PPP2R2C: variants seen among roughly 807,000 people sequenced by gnomAD.
The protein encoded by PPP2R2C is protein phosphatase 2, regulatory subunit B, gamma.
A neutral mutation model predicts 45.3 loss-of-function variants in PPP2R2C; 10 were observed. That is an observed-to-expected ratio of 0.22 (90% CI 0.14 to 0.37). The LOEUF (loss-of-function observed/expected upper bound fraction) is 0.37. Among genes scored for constraint, PPP2R2C ranks in the 10% least tolerant of loss-of-function variants. The pLI is 1.00. For missense variants in PPP2R2C, 308 were observed against 619.7 expected (o/e 0.50, Z 5.34); for synonymous variants, 257 against 245.4 (o/e 1.05, Z -0.44).
At chr4:6,449,528 G>A (rs1038671124) in intron 1 of PPP2R2C, among the ~76,000 whole-genome samples, 7 of 152,170 alleles carry the variant, frequency 4.6e-5, no homozygotes, top group African/African-American at 1.2e-4. Flanking sequence ...GCGGACCCCC[G>A]CCGCCGCCTG....
In PPP2R2C at chr4:6,363,106, T is replaced by A. The variant is rs148139667; in HGVS notation, c.625+9417A>T. Among the ~76,000 whole-genome samples the A allele has an allele frequency of 8.3e-3, 1,261 of 152,026 alleles. 16 individuals carry two copies. Among genetic ancestry groups the A allele is most frequent in the African/African-American group, 0.028 (1,161 of 41,460 alleles). On this transcript the variant is annotated intron_variant, in intron 5 of 8. Coordinates refer to ENST00000382599, the MANE Select transcript of PPP2R2C (RefSeq NM_020416.4). ...CTCGACGCAATGGCTCACAACGGGG[T>A]CAGCACCATGGACAGAGCCATGGCA...
At chr4:6,416,762 C>A (rs890612114) in intron 1 of PPP2R2C, among the ~76,000 whole-genome samples, 4 of 152,230 alleles carry the variant, frequency 2.6e-5, no homozygotes, top group Admixed American at 2.0e-4. Flanking sequence ...GGGAACCCTG[C>A]AGGAGGGCTG....
intron 8 of PPP2R2C, 120 bp from the exon 9 acceptor site, chr4:6,323,713 A>T: frequency 9.4e-7 from 1 of 1,069,334 alleles, no homozygotes; most frequent in Non-Finnish European, 1.3e-6. Flanking sequence ...CGGTGGGAGG[A>T]TTGCTTCAGC....
intron 1 of PPP2R2C, among the ~76,000 whole-genome samples, chr4:6,396,272 C>T (rs1020687013): frequency 7.9e-5 from 12 of 152,310 alleles, no homozygotes; most frequent in Middle Eastern, 3.4e-3. Flanking sequence ...GTGGGACAGC[C>T]ATGCACCTGA....
At chr4:6,427,300 T>C (rs1251795062) in intron 1 of PPP2R2C, among the ~76,000 whole-genome samples, 1 of 152,224 alleles carries the variant, frequency 6.6e-6, no homozygotes. Context: ...AGCATCTCAA[T>C]GCTCAAACGA....
chr4:6,373,441 T>C (rs184495667), intron 4 of PPP2R2C, among the ~76,000 whole-genome samples: 17 of 152,332 alleles, frequency 1.1e-4, no homozygotes, highest in African/African-American at 2.6e-4. Context: ...GACACTGAGC[T>C]TTCACAGCCC....
chr4:6,378,668 G>C lies in PPP2R2C; in HGVS notation c.169-96C>G, dbSNP rs1399122406. On this transcript the variant is annotated intron_variant, in intron 2 of 8. Coordinates refer to ENST00000382599, the MANE Select transcript of PPP2R2C (RefSeq NM_020416.4). The surrounding 1 kb of genome is among the most constrained non-coding windows in gnomAD (Gnocchi z 5.2). ...CCAGCAGGGCCGGCCGTGGGACCAA[G>C]TGCCGAGCCGTGCCAGGGATCCAAT... 1 of 1,269,588 alleles carries C rather than the reference G, an allele frequency of 7.9e-7. No homozygotes were observed. The highest frequency in any genetic ancestry group is 2.2e-5 in the Admixed American group (1 of 45,364). 78.6% of individuals were successfully genotyped at this position (1,269,588 alleles called of 1,614,324 possible).
At position 6,383,250 on chromosome 4, in the gene PPP2R2C, G is replaced by A. The variant is rs1410981620; in HGVS notation, c.71-2156C>T. ...GTGCAGAAGAACCCCCCCAACCCCC[G>A]GCCAAGCCCAGCCTCCAGCAGGGCC... On this transcript the variant is annotated intron_variant, in intron 1 of 8. Transcript: ENST00000382599. 24 of 1,214,998 alleles carry A rather than the reference G, an allele frequency of 2.0e-5. No homozygotes were observed. In the East Asian group the frequency reaches 2.4e-4, roughly 12 times the overall value. The allele number at this position is 1,214,998 out of a possible 1,614,324, so 75.3% of individuals were successfully genotyped here.
At chr4:6,348,041 T>G (rs1394604486) in intron 5 of PPP2R2C, 31 bp from the exon 6 acceptor site, 1 of 1,606,332 alleles carries the variant, frequency 6.2e-7, no homozygotes, top group South Asian at 1.1e-5. Context: ...GAAGGGGCAG[T>G]GAAGGGCGCC....
At chr4:6,382,599 G>A in intron 1 of PPP2R2C, 1 of 1,137,172 alleles carries the variant, frequency 8.8e-7, no homozygotes, top group South Asian at 1.4e-5. Flanking sequence ...CACTTGCTCA[G>A]GCCCAAGCCT....
intron 2 of PPP2R2C, among the ~76,000 whole-genome samples, chr4:6,506,837 A>G (rs1278517163): frequency 6.6e-6 from 1 of 152,130 alleles, no homozygotes; most frequent in Non-Finnish European, 1.5e-5. Context: ...CTGGTGGTCG[A>G]TGCTGGCCAT....
intron 5 of PPP2R2C, among the ~76,000 whole-genome samples, chr4:6,360,627 G>A (rs540416741): frequency 6.6e-6 from 1 of 152,202 alleles, no homozygotes. Context: ...GCCCTAGAAG[G>A]CCTCCCACAC....
chr4:6,400,875 C>T (rs1717372508), intron 1 of PPP2R2C, among the ~76,000 whole-genome samples: 1 of 152,182 alleles, frequency 6.6e-6, no homozygotes. Context: ...TGTAATGCCT[C>T]GCTTCCGCTC....
intron 5 of PPP2R2C, among the ~76,000 whole-genome samples, chr4:6,362,294 T>A (rs1364508838): frequency 6.6e-6 from 1 of 152,010 alleles, no homozygotes; most frequent in Non-Finnish European, 1.5e-5. Flanking sequence ...GCAGGACCCA[T>A]CCTGAAGAGG....
chr4:6,448,687 G>T (rs1396573784), intron 1 of PPP2R2C, among the ~76,000 whole-genome samples: 1 of 152,106 alleles, frequency 6.6e-6, no homozygotes, highest in Non-Finnish European at 1.5e-5. Flanking sequence ...GGGAGGTGAG[G>T]CCTCAGAAGC....
At chr4:6,523,283 A>C (rs561956381) in intron 2 of PPP2R2C, among the ~76,000 whole-genome samples, 2 of 152,310 alleles carry the variant, frequency 1.3e-5, no homozygotes, top group South Asian at 2.1e-4. Flanking sequence ...AAGACTTCAG[A>C]GTCAGGCCCA....
rs146884948 is a variant in PPP2R2C, at chr4:6,493,179, C to T, written c.49+42092G>A. ...ATGAGGCCAACCAGGTTCCCCCTAC[C>T]TGCAATTGCAACCAGCACGCCTGCC... On this transcript the variant is annotated intron_variant, in intron 2 of 9. Coordinates refer to the PPP2R2C transcript ENST00000506140. Among the ~76,000 whole-genome samples, 493 of 152,278 alleles carry T rather than the reference C, an allele frequency of 3.2e-3. 3 individuals carry two copies. The highest frequency in any genetic ancestry group is 0.011 in the African/African-American group (466 of 41,566).
At chr4:6,463,453 C>T (rs1233355508) in intron 1 of PPP2R2C, among the ~76,000 whole-genome samples, 1 of 152,250 alleles carries the variant, frequency 6.6e-6, no homozygotes, top group African/African-American at 2.4e-5. Context: ...GCAGCCCACA[C>T]CCCAGCTGGG....
At chr4:6,423,273 G>A (rs146057555) in intron 1 of PPP2R2C, among the ~76,000 whole-genome samples, 12 of 152,238 alleles carry the variant, frequency 7.9e-5, no homozygotes, top group South Asian at 2.1e-4. Flanking sequence ...GTGCAATCTC[G>A]GCTCACTGCA....
Sources: allele counts gnomAD v4.1 joint callset (sites outside exome capture counted in the v4.1 genomes callset), GRCh38; gene constraint gnomAD v4.1.1; non-coding constraint Gnocchi (gnomAD v3.1); transcripts MANE v1.5; gene names NCBI Gene and HGNC (gene_info 2026-07-23, HGNC 2026-07-21).